The following COL14A1 variants were observed in gnomAD, a reference collection of about 807,000 sequenced individuals.
The protein encoded by COL14A1 is collagen type XIV alpha 1 chain.
Under a neutral mutation model 230.3 loss-of-function variants are expected in COL14A1, and 136 were observed. That is an observed-to-expected ratio of 0.59 (90% CI 0.51 to 0.68). COL14A1 has a LOEUF of 0.68. COL14A1 is among the 30% of genes least tolerant of loss of function. The pLI, the probability that COL14A1 is intolerant of heterozygous loss-of-function variation, is 0.00. For synonymous variants in COL14A1, 792 were observed against 784.1 expected (o/e 1.01, Z -0.17); for missense variants, 1,976 against 2,215.8 (o/e 0.89, Z 2.17).
intron 32 of COL14A1, among the ~76,000 whole-genome samples, chr8:120,284,000 G>A (rs1282054476): frequency 6.6e-6 from 1 of 152,092 alleles, no homozygotes; most frequent in Non-Finnish European, 1.5e-5. Context: ...CTAAGCCTGG[G>A]ATGCAGTAGT....
At chr8:120,207,962 A>G (rs577217120) in intron 10 of COL14A1, among the ~76,000 whole-genome samples, 1 of 152,186 alleles carries the variant, frequency 6.6e-6, no homozygotes, top group African/African-American at 2.4e-5. Context: ...TATTAAGTGG[A>G]TGTAAATAGG....
chr8:120,347,744 C>T (rs1822573659), intron 45 of COL14A1, among the ~76,000 whole-genome samples: 1 of 152,168 alleles, frequency 6.6e-6, no homozygotes, highest in South Asian at 2.1e-4. Context: ...CAGCCAACAT[C>T]AAGACTTGAA....
chr8:120,282,205 A>C, intron 31 of COL14A1, among the ~76,000 whole-genome samples: 1 of 152,186 alleles, frequency 6.6e-6, no homozygotes, highest in East Asian at 1.9e-4. Flanking sequence ...GAAATTGGAA[A>C]TCATCATTCT....
chr8:120,320,572 G>C (rs760634472), intron 40 of COL14A1, among the ~76,000 whole-genome samples: 19 of 152,264 alleles, frequency 1.2e-4, no homozygotes, highest in Non-Finnish European at 2.6e-4. Flanking sequence ...TATCATAAAT[G>C]TTAAGCAGTG....
At chr8:120,292,626 A>G (rs1202259831) in intron 34 of COL14A1, among the ~76,000 whole-genome samples, 1 of 152,244 alleles carries the variant, frequency 6.6e-6, no homozygotes, top group East Asian at 1.9e-4. Flanking sequence ...CAGACTGCCA[A>G]TCTAACCTTG....
chr8:120,289,556 G>T, intron 33 of COL14A1, 52 bp from the exon 34 acceptor site: 5 of 1,488,250 alleles, frequency 3.4e-6, no homozygotes, highest in South Asian at 2.5e-5. Flanking sequence ...TACAAATTTG[G>T]TTGATATTTC....
chr8:120,313,721 G>A (rs1037499160), intron 37 of COL14A1, among the ~76,000 whole-genome samples: 10 of 152,110 alleles, frequency 6.6e-5, no homozygotes, highest in African/African-American at 2.2e-4. Flanking sequence ...AAGTTACAGC[G>A]ATCCCTGTGT....
At chr8:120,312,169 T>A (rs572457136) in intron 37 of COL14A1, among the ~76,000 whole-genome samples, 3 of 152,202 alleles carry the variant, frequency 2.0e-5, no homozygotes, top group Admixed American at 6.6e-5. Context: ...TTACAAATAC[T>A]AAGTAATACA....
rs145690238 is a variant in COL14A1, at chr8:120,199,662, G to A, written c.877+96G>A. 773 of 1,298,150 alleles carry A rather than the reference G, an allele frequency of 6.0e-4. 3 individuals are homozygous for A. In the African/African-American group the frequency reaches 0.011, roughly 18 times the overall value. 80.4% of individuals were successfully genotyped at this position (1,298,150 alleles called of 1,614,324 possible). ...TGAAATGCACTTCACTGAAAGCCAG[G>A]AGACCTGAGCACTTTCTAGTCTTGG... is the stretch of plus-strand genomic sequence containing the variant. On this transcript the variant is annotated intron_variant, in intron 8 of 47. Coordinates refer to ENST00000297848, the MANE Select transcript of COL14A1 (RefSeq NM_021110.4).
At chr8:120,182,543 G>A (rs1430145484) in intron 5 of COL14A1, among the ~76,000 whole-genome samples, 1 of 152,054 alleles carries the variant, frequency 6.6e-6, no homozygotes, top group Admixed American at 6.6e-5. Context: ...TATACACAGA[G>A]CTGAAAATAA....
rs754028857 is a variant in COL14A1, at chr8:120,285,891, A to G, written c.3998A>G (p.Tyr1333Cys). 29 of 1,609,170 alleles carry G rather than the reference A, an allele frequency of 1.8e-5. No individual in the cohort carries two copies. The Middle Eastern group carries it at 5.0e-4, about 28-fold the overall frequency. ...NGGKTLTYFN[Y>C]DQSGDFQTVT... ...GGGAAAACTCTAACATATTTCAACT[A>G]TGACCAGAGTGGGGATTTTCAAACT... The change falls in exon 33 of 48, where the codon TAT becomes TGT. Residue 1333 changes from tyrosine to cysteine, a missense_variant. By Grantham distance (194) the Tyr-to-Cys change is radical. Transcript: ENST00000297848.
Position 120,310,300 on chromosome 8 carries a change from T to C in COL14A1, c.4455+238T>C, listed in dbSNP as rs1191817726. ...TCTGGGTCAGAAATAAGAATGTCAA[T>C]GTTCTGAGTGGTTTAGTCTCCAAGG... On this transcript the variant is annotated intron_variant, in intron 37 of 47. Coordinates refer to ENST00000297848, the MANE Select transcript of COL14A1 (RefSeq NM_021110.4). Among the ~76,000 whole-genome samples the C allele has an allele frequency of 3.9e-5, 6 of 152,324 alleles. 1 individual carries two copies. Among genetic ancestry groups the C allele is most frequent in the African/African-American group, 1.4e-4 (6 of 41,576 alleles).
chr8:120,172,385 A>T (rs942634775), intron 5 of COL14A1, among the ~76,000 whole-genome samples: 3 of 152,138 alleles, frequency 2.0e-5, no homozygotes, highest in Non-Finnish European at 4.4e-5. Context: ...TCATGACCTC[A>T]GGTGATCTAC....
At chr8:120,191,278 A>G (rs1816814994) in intron 5 of COL14A1, among the ~76,000 whole-genome samples, 1 of 150,434 alleles carries the variant, frequency 6.6e-6, no homozygotes, top group Non-Finnish European at 1.5e-5. Flanking sequence ...GAACATCTTT[A>G]TTTCTGCCTT....
At position 120,162,482 on chromosome 8, in the gene COL14A1, G is replaced by C. The variant is rs1388859149; in HGVS notation, c.262G>C (p.Gly88Arg). 1 of 1,612,262 alleles carries C rather than the reference G, an allele frequency of 6.2e-7. No homozygotes were observed. Among genetic ancestry groups the C allele is most frequent in the Non-Finnish European group, 8.5e-7 (1 of 1,179,270 alleles). ...QNTATKAIIQGLMPDQNYTVQ... is the reference protein window; with the variant it reads ...QNTATKAIIQRLMPDQNYTVQ... Reference sequence around the variant, plus strand: ...CACTGCAACTAAAGCAATTATTCAAGGCCTTATGCCAGACCAGAATTACAC... The same window carrying C: ...CACTGCAACTAAAGCAATTATTCAACGCCTTATGCCAGACCAGAATTACAC... The change falls in exon 4 of 48, where the codon GGC becomes CGC. Residue 88 changes from glycine to arginine, a missense_variant. Physicochemically the swap from Gly to Arg is moderately radical, Grantham distance 125. Around this residue, in one of 3 missense-constraint regions of COL14A1, gnomAD observed 181 missense variants for 178.6 expected, o/e 1.01. Coordinates refer to ENST00000297848, the MANE Select transcript of COL14A1 (RefSeq NM_021110.4).
chr8:120,271,886 C>G (rs1041144792), intron 26 of COL14A1, among the ~76,000 whole-genome samples: 1 of 151,388 alleles, frequency 6.6e-6, no homozygotes, highest in Admixed American at 6.6e-5. Flanking sequence ...ACCCCAACTG[C>G]TTTGTGGCAT....
At chr8:120,316,089 A>G (rs1184379975) in intron 40 of COL14A1, 92 bp downstream of exon 40, 4 of 1,338,598 alleles carry the variant, frequency 3.0e-6, no homozygotes, top group South Asian at 1.2e-5. Flanking sequence ...TAAGGGAGTC[A>G]AGCCAGTTTT....
At chr8:120,369,633 C>T (rs1028155936) in intron 47 of COL14A1, 148 bp downstream of exon 47, 5 of 796,732 alleles carry the variant, frequency 6.3e-6, no homozygotes, top group East Asian at 3.2e-5. Context: ...TAAATTATCC[C>T]GAGACATTTT....
intron 8 of COL14A1, 133 bp from the exon 9 acceptor site, chr8:120,203,576 A>G (rs1444718586): frequency 3.6e-6 from 2 of 553,908 alleles, no homozygotes; most frequent in Non-Finnish European, 5.9e-6. Flanking sequence ...AATTTTAAAT[A>G]TATATATACA....
Sources: gnomAD v4.1 joint callset for allele counts (sites outside exome capture counted in the v4.1 genomes callset) on GRCh38, gnomAD v4.1.1 for gene constraint, gnomAD v4.1.1 regional missense constraint, MANE v1.5 for transcripts, NCBI Gene and HGNC (gene_info 2026-07-23, HGNC 2026-07-21) for gene names.